MALRD1: variants seen among roughly 807,000 people sequenced by gnomAD.
MALRD1 encodes MAM and LDL-receptor class A domain-containing protein 1.
MALRD1 carries 247 observed loss-of-function variants against 242.1 expected under a neutral mutation model. That is an observed-to-expected ratio of 1.02 (90% CI 0.92 to 1.13). The LOEUF (loss-of-function observed/expected upper bound fraction) is 1.13. MALRD1 is among the 50% of genes most tolerant of loss of function. The pLI is 0.00. For missense variants in MALRD1, 2,989 were observed against 2,533.1 expected, an observed-to-expected ratio of 1.18 and a Z score of -3.86; for synonymous variants, 995 against 866.6, an observed-to-expected ratio of 1.15 and a Z score of -2.60.
At chr10:19,595,572 A>G (rs1589285196) in intron 34 of MALRD1, 115 bp downstream of exon 34, 1 of 1,196,828 alleles carries the variant, frequency 8.4e-7, no homozygotes, top group Non-Finnish European at 1.1e-6. Flanking sequence ...TTGTATCATT[A>G]ATAACACAGC....
chr10:19,446,977 A>C (rs1436928700), intron 28 of MALRD1, among the ~76,000 whole-genome samples: 1 of 152,074 alleles, frequency 6.6e-6, no homozygotes, highest in Non-Finnish European at 1.5e-5. Context: ...AAGTAACGAC[A>C]TATGTGGAAT....
intron 29 of MALRD1, among the ~76,000 whole-genome samples, chr10:19,490,808 A>G (rs900108074): frequency 6.6e-6 from 1 of 152,188 alleles, no homozygotes; most frequent in Admixed American, 6.5e-5. Context: ...TTTTTATACG[A>G]GGATGAGTAT....
intron 34 of MALRD1, among the ~76,000 whole-genome samples, chr10:19,605,722 T>C (rs562014161): frequency 6.6e-6 from 1 of 152,240 alleles, no homozygotes; most frequent in Non-Finnish European, 1.5e-5. Context: ...GGAATTCTCG[T>C]TTTTATAAAT....
At chr10:19,456,639 A>G (rs1835664269) in intron 29 of MALRD1, among the ~76,000 whole-genome samples, 2 of 152,208 alleles carry the variant, frequency 1.3e-5, no homozygotes, top group African/African-American at 4.8e-5. Flanking sequence ...CGAGTGTTGC[A>G]TTCAGATCGC....
At chr10:19,720,179 C>T (rs900339507) in intron 38 of MALRD1, among the ~76,000 whole-genome samples, 9 of 152,042 alleles carry the variant, frequency 5.9e-5, no homozygotes, top group Admixed American at 5.9e-4. Context: ...TATGAAAATG[C>T]CCCCAAAATC....
At chr10:19,655,053 C>T (rs1361544604) in intron 36 of MALRD1, among the ~76,000 whole-genome samples, 3 of 152,068 alleles carry the variant, frequency 2.0e-5, no homozygotes, top group African/African-American at 7.2e-5. Context: ...TTTGTCAATA[C>T]TTTGCCCTGT....
chr10:19,719,214 A>ATATGTG (rs1183007306), intron 38 of MALRD1, among the ~76,000 whole-genome samples: 3 of 25,852 alleles, frequency 1.2e-4, no homozygotes, highest in East Asian at 1.9e-3. Context: ...ATATATATAC[A>ATATGTG]CATACATACA....
intron 19 of MALRD1, among the ~76,000 whole-genome samples, chr10:19,259,588 G>A (rs75949119): frequency 0.018 from 2,798 of 152,150 alleles, 64 homozygotes; most frequent in Non-Finnish European, 0.023. Flanking sequence ...ACCCGCCCCC[G>A]TGATTCAATT....
In MALRD1 at chr10:19,176,870, ATGTGTG is replaced by A. The variant is rs139103707; in HGVS notation, c.1951+1555_1951+1560del. ...TCTGTGTGTGTGCGTGCATGTGTGC[ATGTGTG>A]TGTGTGTGTGTGCATGGGTGTGTGC... is the stretch of plus-strand genomic sequence containing the variant. On this transcript the variant is annotated intron_variant, in intron 14 of 39. Transcript: ENST00000454679. Among the ~76,000 whole-genome samples, 522 of 149,096 alleles carry A rather than the reference ATGTGTG, an allele frequency of 3.5e-3. 1 individual carries two copies. Among genetic ancestry groups the A allele is most frequent in the Non-Finnish European group, 6.0e-3 (400 of 67,090 alleles).
chr10:19,276,221 G>A (rs929518588), intron 19 of MALRD1, among the ~76,000 whole-genome samples: 6 of 151,986 alleles, frequency 3.9e-5, no homozygotes, highest in Non-Finnish European at 5.9e-5. Context: ...GACAAAATAC[G>A]TCACTTTCCA....
At chr10:19,248,400 A>G (rs1839157922) in intron 18 of MALRD1, among the ~76,000 whole-genome samples, 1 of 148,902 alleles carries the variant, frequency 6.7e-6, no homozygotes, top group Non-Finnish European at 1.5e-5. Flanking sequence ...TGAAAAAAAA[A>G]AAATAAAGTG....
chr10:19,476,812 T>G (rs1223104261), intron 29 of MALRD1, among the ~76,000 whole-genome samples: 2 of 152,196 alleles, frequency 1.3e-5, no homozygotes, highest in African/African-American at 4.8e-5. Flanking sequence ...TCTCACACAA[T>G]GAACATAGAA....
intron 28 of MALRD1, among the ~76,000 whole-genome samples, chr10:19,449,456 C>T (rs1294258102): frequency 6.6e-6 from 1 of 152,130 alleles, no homozygotes; most frequent in Non-Finnish European, 1.5e-5. Flanking sequence ...TCTAAAAATT[C>T]CAAAATACGT....
At chr10:19,121,232 G>A (rs1299818330) in intron 5 of MALRD1, among the ~76,000 whole-genome samples, 2 of 149,348 alleles carry the variant, frequency 1.3e-5, no homozygotes, top group African/African-American at 2.5e-5. Flanking sequence ...GTAGAGATGG[G>A]GTTTCACCAT....
chr10:19,671,541 C>T (rs1337530159), intron 36 of MALRD1, among the ~76,000 whole-genome samples: 2 of 151,672 alleles, frequency 1.3e-5, no homozygotes, highest in Admixed American at 6.6e-5. Context: ...CCACTTGAAC[C>T]GAGGAGGCGG....
At chr10:19,117,476 T>C (rs947382610) in intron 5 of MALRD1, among the ~76,000 whole-genome samples, 4 of 151,964 alleles carry the variant, frequency 2.6e-5, no homozygotes, top group Admixed American at 1.3e-4. Context: ...TAAATAGTGA[T>C]GAATTAGAGA....
chr10:19,211,884 A>T (rs932045778), intron 18 of MALRD1, among the ~76,000 whole-genome samples: 1 of 152,090 alleles, frequency 6.6e-6, no homozygotes, highest in Non-Finnish European at 1.5e-5. Context: ...GGAGGTACTC[A>T]TTCTGTGTTT....
At chr10:19,076,935 C>G (rs1835337914) in intron 2 of MALRD1, among the ~76,000 whole-genome samples, 1 of 152,020 alleles carries the variant, frequency 6.6e-6, no homozygotes, top group South Asian at 2.1e-4. Flanking sequence ...TGCATCATGT[C>G]TTTCCATTTA....
At chr10:19,508,056 G>C (rs948189339) in intron 31 of MALRD1, among the ~76,000 whole-genome samples, 27 of 146,650 alleles carry the variant, frequency 1.8e-4, no homozygotes, top group African/African-American at 6.6e-4. Context: ...TCACAAATTT[G>C]TATAGTGTGT....
Sources: gnomAD v4.1 joint callset for allele counts (sites outside exome capture counted in the v4.1 genomes callset) on GRCh38, gnomAD v4.1.1 for gene constraint, MANE v1.5 for transcripts, NCBI Gene and HGNC (gene_info 2026-07-23, HGNC 2026-07-21) for gene names.